The following ATP9A variants were observed in gnomAD, a reference collection of about 807,000 sequenced individuals.
The protein encoded by ATP9A is ATPase phospholipid transporting 9A, also known as probable phospholipid-transporting ATPase IIA.
In ATP9A, 52 loss-of-function variants were observed where a neutral mutation model predicts 144.1. The ratio of observed to expected loss-of-function variants is 0.36; its 90% CI spans 0.29 to 0.45. ATP9A has a LOEUF of 0.45. Among genes scored for constraint, ATP9A ranks in the 20% least tolerant of loss-of-function variants. The pLI is 1.00. For synonymous variants in ATP9A, 582 were observed against 557.4 expected, an observed-to-expected ratio of 1.04 and a Z score of -0.62; for missense variants, 947 against 1,392.7, an observed-to-expected ratio of 0.68 and a Z score of 5.09.
At chr20:51,615,868 T>C (rs2077201273) in intron 22 of ATP9A, among the ~76,000 whole-genome samples, 1 of 152,144 alleles carries the variant, frequency 6.6e-6, no homozygotes, top group Non-Finnish European at 1.5e-5. Flanking sequence ...ACTCCTGACC[T>C]CAGGTAATCT....
chr20:51,745,377 G>C (rs545835410), intron 1 of ATP9A, among the ~76,000 whole-genome samples: 1 of 150,864 alleles, frequency 6.6e-6, no homozygotes, highest in South Asian at 2.1e-4. Flanking sequence ...AGAAGTTATA[G>C]TGAGCCAATA....
intron 9 of ATP9A, among the ~76,000 whole-genome samples, chr20:51,681,427 CT>C (rs66579534): frequency 8.2e-4 from 108 of 131,572 alleles, no homozygotes; most frequent in East Asian, 2.1e-3. Context: ...TCCTAAATTT[CT>C]TTTTTTTTTT....
intron 1 of ATP9A, among the ~76,000 whole-genome samples, chr20:51,753,559 T>C (rs2077842455): frequency 6.6e-6 from 1 of 152,092 alleles, no homozygotes; most frequent in African/African-American, 2.4e-5. Context: ...GAAAACATCA[T>C]CTGCTAAAAG....
intron 6 of ATP9A, 92 bp downstream of exon 6, chr20:51,696,001 T>C (rs1029562313): frequency 7.4e-6 from 9 of 1,211,172 alleles, no homozygotes; most frequent in Non-Finnish European, 7.2e-6. Flanking sequence ...TCCAAAATGA[T>C]AATCTACTTT....
At chr20:51,633,527 C>T (rs2077278299) in intron 15 of ATP9A, among the ~76,000 whole-genome samples, 1 of 152,156 alleles carries the variant, frequency 6.6e-6, no homozygotes, top group Non-Finnish European at 1.5e-5. Context: ...GGGAGGACAG[C>T]TTGAGGCCAG....
chr20:51,697,909 T>C (rs2077577561), intron 4 of ATP9A, among the ~76,000 whole-genome samples: 1 of 152,240 alleles, frequency 6.6e-6, no homozygotes, highest in Non-Finnish European at 1.5e-5. Context: ...TACTTTTTAA[T>C]TTATAATTGC....
intron 9 of ATP9A, among the ~76,000 whole-genome samples, chr20:51,688,484 T>C (rs1384762060): frequency 1.3e-5 from 2 of 151,860 alleles, no homozygotes; most frequent in Non-Finnish European, 1.5e-5. Context: ...CCCAGCTACT[T>C]GGGAGACTGA....
intron 14 of ATP9A, among the ~76,000 whole-genome samples, chr20:51,640,533 T>G (rs561677048): frequency 6.6e-6 from 1 of 152,180 alleles, no homozygotes; most frequent in East Asian, 1.9e-4. Flanking sequence ...TTGCCCAAGG[T>G]GACAGCGCTG....
At chr20:51,764,970 C>A (rs2122926473) in intron 1 of ATP9A, among the ~76,000 whole-genome samples, 1 of 152,270 alleles carries the variant, frequency 6.6e-6, no homozygotes, top group Middle Eastern at 3.4e-3. Flanking sequence ...ATCCGCCCAC[C>A]TTGGCCTCCC....
At chr20:51,649,663 C>T (rs2077355597) in intron 14 of ATP9A, among the ~76,000 whole-genome samples, 1 of 152,108 alleles carries the variant, frequency 6.6e-6, no homozygotes. Flanking sequence ...GCCTGTAATC[C>T]CAGCACTGTG....
In ATP9A at chr20:51,617,550, G is replaced by A. The variant is rs746667011; in HGVS notation, c.2355C>T (p.Asp785=). 93 of 1,610,996 alleles carry A rather than the reference G, an allele frequency of 5.8e-5. No individual in the cohort carries two copies. In the Middle Eastern group the frequency reaches 1.8e-3, roughly 31 times the overall value. The change falls in exon 22 of 28, where the codon GAC becomes GAT. Residue 785 remains aspartate, a synonymous_variant. Transcript: ENST00000338821. The part of the protein sequence containing the change: ...RTGKLTCAVG[D]GGNDVSMIQE... ...GAATCATGCTGACGTCATTGCCTCC[G>A]TCCCCTGCGAGCCACACAGACCAGA...
At position 51,613,851 on chromosome 20, in the gene ATP9A, A is replaced by G; in HGVS notation, c.2416-19T>C. 6.2e-7 allele frequency: 1 copy of G among 1,602,020 alleles called. No individual in the cohort carries two copies. Among genetic ancestry groups the G allele is most frequent in the South Asian group, 1.1e-5 (1 of 90,554 alleles). ...TTCCTTCCTAAAATCCAATAAAATTAGGCACCATCAGAAGCACAAGAGGTC... is the reference window on the plus strand; with the variant it reads ...TTCCTTCCTAAAATCCAATAAAATTGGGCACCATCAGAAGCACAAGAGGTC... On this transcript the variant is annotated intron_variant, in intron 22 of 27. Transcript: ENST00000338821.
intron 1 of ATP9A, among the ~76,000 whole-genome samples, chr20:51,731,725 A>C (rs2077742414): frequency 6.6e-6 from 1 of 151,982 alleles, no homozygotes; most frequent in African/African-American, 2.4e-5. Flanking sequence ...TCTCCAAAAA[A>C]AAAAAAGAGA....
In ATP9A at chr20:51,730,017, G is replaced by C; in HGVS notation, c.69-39C>G. The C allele has an allele frequency of 2.0e-6, 3 of 1,468,894 alleles. No individual in the cohort carries two copies. The South Asian group carries it at 4.4e-5, about 22-fold the overall frequency. The allele number at this position is 1,468,894 out of a possible 1,614,324, so 91.0% of individuals were successfully genotyped here. On this transcript the variant is annotated intron_variant, in intron 1 of 27. Transcript: ENST00000338821. ...ACCCACGCATCAAGGCCACGCCCAC[G>C]CATCGAGGCTGTGCTCATGTCTGCC...
intron 14 of ATP9A, among the ~76,000 whole-genome samples, chr20:51,651,156 A>ATATATATATATATATATATATATATG (rs11268017): frequency 7.9e-6 from 1 of 126,954 alleles, no homozygotes; most frequent in South Asian, 2.5e-4. Context: ...CTCTCTCCAT[A>ATATATATATATATATATATATATATG]TATATATATA....
chr20:51,607,625 G>A (rs997010696), intron 25 of ATP9A, 41 bp from the exon 26 acceptor site: 1 of 1,508,240 alleles, frequency 6.6e-7, no homozygotes, highest in Non-Finnish European at 9.2e-7. Context: ...GGTTTCGCGG[G>A]GGGCTCACGC....
At chr20:51,686,205 G>A (rs1346764765) in intron 9 of ATP9A, among the ~76,000 whole-genome samples, 3 of 151,880 alleles carry the variant, frequency 2.0e-5, no homozygotes, top group South Asian at 2.1e-4. Flanking sequence ...ATCACACACC[G>A]GGGCCTGTCG....
intron 14 of ATP9A, among the ~76,000 whole-genome samples, chr20:51,645,335 C>T (rs1366455200): frequency 6.6e-6 from 1 of 152,132 alleles, no homozygotes; most frequent in African/African-American, 2.4e-5. Context: ...GCCTGGCCAA[C>T]ATGGTGAAAC....
intron 2 of ATP9A, 83 bp downstream of exon 2, chr20:51,729,751 A>AACATGACATG: frequency 7.1e-7 from 1 of 1,399,940 alleles, no homozygotes; most frequent in Non-Finnish European, 9.4e-7. Flanking sequence ...TCTAAAAAAT[A>AACATGACATG]ACATGACATG....
Sources: gnomAD v4.1 joint callset for allele counts (sites outside exome capture counted in the v4.1 genomes callset) on GRCh38, gnomAD v4.1.1 for gene constraint, MANE v1.5 for transcripts, NCBI Gene and HGNC (gene_info 2026-07-23, HGNC 2026-07-21) for gene names.